PCDHGA4: variants seen among roughly 807,000 people sequenced by gnomAD.
The protein encoded by PCDHGA4 is protocadherin gamma subfamily A, 4.
A neutral mutation model predicts 54.6 loss-of-function variants in PCDHGA4; 38 were observed. That is an observed-to-expected ratio of 0.70 (90% confidence interval 0.54 to 0.91). PCDHGA4 has a LOEUF of 0.91. Among genes scored for constraint, PCDHGA4 ranks in the 40% least tolerant of loss-of-function variants. The pLI, the probability that PCDHGA4 is intolerant of heterozygous loss-of-function variation, is 0.00. For missense variants in PCDHGA4, 1,298 were observed against 1,220.9 expected, an observed-to-expected ratio of 1.06 and a Z score of -0.94; for synonymous variants, 511 against 512.9, an observed-to-expected ratio of 1.00 and a Z score of 0.05.
intron 1 of PCDHGA4, among the ~76,000 whole-genome samples, chr5:141,458,351 T>A (rs903399511): frequency 2.0e-5 from 3 of 152,010 alleles, no homozygotes; most frequent in African/African-American, 7.3e-5. Flanking sequence ...GAGAGTTTAA[T>A]AAGCAAGAAG....
chr5:141,427,703 C>A (rs529490424), intron 1 of PCDHGA4: 2 of 957,514 alleles, frequency 2.1e-6, no homozygotes, highest in African/African-American at 1.6e-5. Flanking sequence ...CACAAGTCAG[C>A]GCCTCTGACC....
intron 1 of PCDHGA4, chr5:141,387,669 T>A: frequency 1.4e-6 from 1 of 693,784 alleles, no homozygotes; most frequent in East Asian, 2.8e-5. Context: ...GCGCTCCAGA[T>A]CTCCTCGCGC....
chr5:141,396,935 C>T (rs545100008), intron 1 of PCDHGA4, among the ~76,000 whole-genome samples: 1 of 152,240 alleles, frequency 6.6e-6, no homozygotes, highest in South Asian at 2.1e-4. Flanking sequence ...ATGAAAGTTG[C>T]CCTGGTAGGA....
At chr5:141,379,296 G>T (rs537053500) in intron 1 of PCDHGA4, 18 of 152,178 alleles carry the variant, frequency 1.2e-4, no homozygotes, top group African/African-American at 4.1e-4. Flanking sequence ...GTTTCCAAAG[G>T]TATATACCTA....
rs758078780 is a variant in PCDHGA4 at position 141,355,236 on chromosome 5, G to T, written c.129G>T (p.Arg43=). Residue 43 remains arginine (R), a synonymous_variant, in exon 1 of 4, where the codon CGG becomes CGT. Transcript: ENST00000571252. ...CTCCTGCTCGCCCAGACCACACCCG[G>T]CTGCTCCAGATCTGCCTTCTCCTGG... The part of the protein sequence containing the change: ...AAPPARPDHT[R]LLQICLLLGV... 1 of 1,612,186 alleles carries T rather than the reference G, an allele frequency of 6.2e-7. No individual in the cohort carries two copies. Among genetic ancestry groups the T allele is most frequent in the Non-Finnish European group, 8.5e-7 (1 of 1,179,332 alleles).
intron 1 of PCDHGA4, chr5:141,366,088 C>T (rs752144187): frequency 3.1e-6 from 5 of 1,614,256 alleles, no homozygotes; most frequent in Non-Finnish European, 4.2e-6. Context: ...AACCTGGCTA[C>T]CTGGTGACCA....
chr5:141,405,201 T>C, intron 1 of PCDHGA4: 1 of 1,614,050 alleles, frequency 6.2e-7, no homozygotes, highest in Non-Finnish European at 8.5e-7. Context: ...CGAGCTTTCC[T>C]ACAGACCTAT....
rs1480466141 is a variant in PCDHGA4 at position 141,356,347 on chromosome 5, A to C, written c.1240A>C (p.Thr414Pro). The C allele has an allele frequency of 7.7e-6, 12 of 1,555,580 alleles. No individual in the cohort carries two copies. The highest frequency in any genetic ancestry group is 2.0e-5 in the Admixed American group (1 of 51,228). ...TGACTCAGGAGGAAATGGCCTAGTC[A>C]CATGTTCTATTCCAGATAATCTGCC... ...DSDSGGNGLV[T>P]CSIPDNLPFT... The change falls in exon 1 of 4, where the codon ACA (threonine) becomes CCA (proline). Residue 414 changes from threonine (T) to proline (P), a missense_variant. Coordinates refer to ENST00000571252, the MANE Select transcript of PCDHGA4 (RefSeq NM_018917.4).
chr5:141,404,004 C>G (rs1219625288), intron 1 of PCDHGA4: 33 of 1,613,842 alleles, frequency 2.0e-5, no homozygotes, highest in Non-Finnish European at 2.8e-5. Flanking sequence ...ACCATTACAT[C>G]TCTGTTTAGC....
chr5:141,504,645 T>C (rs1481469819), intron 2 of PCDHGA4, among the ~76,000 whole-genome samples: 2 of 112,538 alleles, frequency 1.8e-5, no homozygotes, highest in Non-Finnish European at 3.4e-5. Context: ...GGTTTGATGA[T>C]AGAGTGTTTG....
chr5:141,390,196 T>C (rs1416526939), intron 1 of PCDHGA4: 2 of 1,613,930 alleles, frequency 1.2e-6, no homozygotes, highest in African/African-American at 2.7e-5. Context: ...AGTGAGCAGT[T>C]GAGTTCAGGA....
chr5:141,408,533 G>A, intron 1 of PCDHGA4: 1 of 1,614,056 alleles, frequency 6.2e-7, no homozygotes, highest in Non-Finnish European at 8.5e-7. Flanking sequence ...AGCTGTGGTG[G>A]AAAATCCTTT....
At position 141,432,119 on chromosome 5, in the gene PCDHGA4, C is replaced by T. The variant is rs1273427353; in HGVS notation, c.2515-62688C>T. On this transcript the variant is annotated intron_variant, in intron 1 of 3. Transcript: ENST00000571252. The surrounding 1 kb of genome is among the most constrained non-coding windows in gnomAD (Gnocchi z 6.0). ...CAACGACAACCCGCCGGTCTTCCCT[C>T]AGGCCTCCTATTCCGCTTATATCCC... is the stretch of plus-strand genomic sequence containing the variant. 7 of 1,614,184 alleles carry T rather than the reference C, an allele frequency of 4.3e-6. No homozygotes were observed. Among genetic ancestry groups the T allele is most frequent in the Non-Finnish European group, 5.9e-6 (7 of 1,180,032 alleles).
Position 141,487,945 on chromosome 5 carries a change from G to A in PCDHGA4, c.2515-6862G>A, listed in dbSNP as rs2099669554. ...CAGTGCACAGGGTACAGTGCACCAG[G>A]CAGTCACTTGGACAAAGGTGGCTGT... On this transcript the variant is annotated intron_variant, in intron 1 of 3. Transcript: ENST00000571252. This position sits in a 1 kb window ranked among gnomAD's most constrained non-coding sequence, Gnocchi z 5.0. Among the ~76,000 whole-genome samples the A allele has an allele frequency of 6.6e-6, 1 of 152,198 alleles. No individual in the cohort carries two copies. Among genetic ancestry groups the A allele is most frequent in the Non-Finnish European group, 1.5e-5 (1 of 68,036 alleles).
chr5:141,471,637 T>G (rs1284100810), intron 1 of PCDHGA4: 1 of 152,198 alleles, frequency 6.6e-6, no homozygotes, highest in Non-Finnish European at 1.5e-5. Context: ...TATGGATTAG[T>G]AATATACTGG....
In PCDHGA4 at chr5:141,431,538, A is replaced by G; in HGVS notation, c.2515-63269A>G. ...CCGGAGAATCTGGCCTTGGGCACGC[A>G]GCTGCTTGTAGTCAACGCTACCGAC... is the stretch of plus-strand genomic sequence containing the variant. On this transcript the variant is annotated intron_variant, in intron 1 of 3. Transcript: ENST00000571252. The surrounding 1 kb of genome is among the most constrained non-coding windows in gnomAD (Gnocchi z 4.8). The G allele has an allele frequency of 6.2e-7, 1 of 1,614,114 alleles. No individual in the cohort carries two copies. Among genetic ancestry groups the G allele is most frequent in the Non-Finnish European group, 8.5e-7 (1 of 1,180,024 alleles).
rs142329128 is a variant in PCDHGA4, at chr5:141,439,495, C to T, written c.2515-55312C>T. Among the ~76,000 whole-genome samples the T allele has an allele frequency of 9.7e-4, 147 of 152,324 alleles. 1 individual carries two copies. The highest frequency in any genetic ancestry group is 3.4e-3 in the African/African-American group (140 of 41,568). ...TCAGCTTGCAAATTCCAGTGAGAAACGTCTTTCTCTCTGCTCTCAACTAAC... is the reference window on the plus strand; with the variant it reads ...TCAGCTTGCAAATTCCAGTGAGAAATGTCTTTCTCTCTGCTCTCAACTAAC... On this transcript the variant is annotated intron_variant, in intron 1 of 3. Coordinates refer to ENST00000571252, the MANE Select transcript of PCDHGA4 (RefSeq NM_018917.4).
chr5:141,374,900 G>A (rs1770928989), intron 1 of PCDHGA4: 6 of 1,613,682 alleles, frequency 3.7e-6, no homozygotes, highest in South Asian at 3.3e-5. Context: ...GGATGAAGGA[G>A]TCCACGGGGA....
intron 1 of PCDHGA4, chr5:141,372,213 C>T (rs999187008): frequency 1.2e-6 from 2 of 1,613,592 alleles, no homozygotes; most frequent in Non-Finnish European, 1.7e-6. Context: ...GCTGTCCTAC[C>T]ACATTGTGCA....
Sources: gnomAD v4.1 joint callset for allele counts (sites outside exome capture counted in the v4.1 genomes callset) on GRCh38, gnomAD v4.1.1 for gene constraint, Gnocchi (gnomAD v3.1) non-coding constraint, MANE v1.5 for transcripts, NCBI Gene and HGNC (gene_info 2026-07-23, HGNC 2026-07-21) for gene names.